The following FMN2 variants were observed in gnomAD, a reference collection of about 807,000 sequenced individuals.
FMN2 encodes the protein formin-2.
Under a neutral mutation model 142.3 loss-of-function variants are expected in FMN2, and 51 were observed. The observed-to-expected ratio is 0.36, with a 90% CI of 0.29 to 0.45. The LOEUF (loss-of-function observed/expected upper bound fraction) is 0.45, where lower values mean the gene tolerates loss of function less well. FMN2 is among the 20% of genes least tolerant of loss of function. The pLI is 1.00. For missense variants in FMN2, 1,936 were observed against 2,122.8 expected (o/e 0.91, Z 1.73); for synonymous variants, 882 against 869.8 (o/e 1.01, Z -0.25).
Position 240,207,422 on chromosome 1 carries a change from G to T in FMN2, c.2610G>T (p.Met870Ile). ...PLPCTESSSS[M>I]PGLGMVPPPP... ...CTTGCACAGAGTCCTCCAGCTCCAT[G>T]CCTGGCCTGGGCATGGTGCCTCCCC... The change falls in exon 5 of 18, where the codon ATG (methionine) becomes ATT (isoleucine). Residue 870 changes from methionine to isoleucine, a missense_variant. Transcript: ENST00000319653. 2.5e-6 allele frequency: 4 copies of T among 1,613,636 alleles called. No homozygotes were observed.
At chr1:240,235,829 C>T (rs1216195534) in intron 6 of FMN2, 1 of 152,184 alleles carries the variant, frequency 6.6e-6, no homozygotes, top group African/African-American at 2.4e-5. Context: ...GGAGCCATCT[C>T]CCCTCTTCTT....
At chr1:240,180,269 C>A in intron 3 of FMN2, 2 of 822,446 alleles carry the variant, frequency 2.4e-6, no homozygotes, top group Non-Finnish European at 1.7e-6. Flanking sequence ...TCAGAGTGAT[C>A]TAATGGGTCT....
chr1:240,092,853 C>T lies in FMN2; in HGVS notation c.744C>T (p.Gly248=). Residue 248 remains glycine, a synonymous_variant, in exon 1 of 18, where the codon GGC becomes GGT. Coordinates refer to ENST00000319653, the MANE Select transcript of FMN2 (RefSeq NM_020066.5). ...AVSPQPGAFL[G]LDRFLLGPSG... is the part of the protein sequence containing the mutation. Reference sequence around the variant, plus strand: ...CCCCTCAGCCCGGGGCCTTCCTGGGCCTGGACCGGTTCCTGCTGGGGCCGA... The same window carrying T: ...CCCCTCAGCCCGGGGCCTTCCTGGGTCTGGACCGGTTCCTGCTGGGGCCGA... The T allele has an allele frequency of 6.5e-7, 1 of 1,548,450 alleles. No homozygotes were observed. Among genetic ancestry groups the T allele is most frequent in the Non-Finnish European group, 8.7e-7 (1 of 1,149,754 alleles).
At position 240,147,966 on chromosome 1, in the gene FMN2, T is replaced by A. The variant is rs182298471; in HGVS notation, c.1782+24621T>A. ...GAAAGTGTGTTCTGTGAATATTAGT[T>A]GCTACTTCGCCATGGAAGCTGCTCT... On this transcript the variant is annotated intron_variant, in intron 2 of 17. Coordinates refer to ENST00000319653, the MANE Select transcript of FMN2 (RefSeq NM_020066.5). 1.2e-3 allele frequency among the ~76,000 whole-genome samples: 178 copies of A among 152,350 alleles called. 4 individuals are homozygous for A. In the South Asian group the frequency reaches 0.028, roughly 24 times the overall value.
chr1:240,223,542 C>A (rs1352791022), intron 6 of FMN2, among the ~76,000 whole-genome samples: 2 of 152,090 alleles, frequency 1.3e-5, no homozygotes, highest in Admixed American at 1.3e-4. Flanking sequence ...CTGTTTGGAA[C>A]CGTTTCGGAA....
chr1:240,252,044 G>T (rs1668294292), intron 6 of FMN2, among the ~76,000 whole-genome samples: 1 of 152,136 alleles, frequency 6.6e-6, no homozygotes. Flanking sequence ...AAGTAGCTGG[G>T]ATTACAGACG....
intron 16 of FMN2, among the ~76,000 whole-genome samples, chr1:240,466,386 T>G (rs893383118): frequency 6.6e-6 from 1 of 152,220 alleles, no homozygotes; most frequent in African/African-American, 2.4e-5. Flanking sequence ...TTAGCTTCTC[T>G]TTAAGTTACA....
intron 2 of FMN2, among the ~76,000 whole-genome samples, chr1:240,159,994 C>CACACACAT (rs1292942854): frequency 6.8e-6 from 1 of 146,404 alleles, no homozygotes; most frequent in African/African-American, 2.5e-5. Context: ...CACACACACA[C>CACACACAT]ACACATACAC....
At chr1:240,119,781 G>A (rs12145060) in intron 1 of FMN2, among the ~76,000 whole-genome samples, 42,116 of 152,058 alleles carry the variant, frequency 0.28, 6,267 homozygotes, top group Non-Finnish European at 0.34. Context: ...TTGGCTGGAT[G>A]TGCACGTACA....
At chr1:240,242,847 C>A (rs964736983) in intron 6 of FMN2, among the ~76,000 whole-genome samples, 1 of 152,292 alleles carries the variant, frequency 6.6e-6, no homozygotes, top group Admixed American at 6.5e-5. Context: ...TGAGAGGTGT[C>A]AAATGTCACC....
chr1:240,462,362 T>C, intron 16 of FMN2, among the ~76,000 whole-genome samples: 1 of 152,312 alleles, frequency 6.6e-6, no homozygotes, highest in South Asian at 2.1e-4. Context: ...TTTATAACTT[T>C]AAATTTTATG....
intron 1 of FMN2, among the ~76,000 whole-genome samples, chr1:240,121,933 G>T (rs1201000812): frequency 6.6e-6 from 1 of 151,438 alleles, no homozygotes; most frequent in African/African-American, 2.4e-5. Flanking sequence ...CTCTGTCCCC[G>T]CCATGATGGA....
intron 15 of FMN2, among the ~76,000 whole-genome samples, chr1:240,398,647 C>CG (rs1558471311): frequency 6.6e-6 from 1 of 152,034 alleles, no homozygotes; most frequent in African/African-American, 2.4e-5. Flanking sequence ...CCTATGTAAC[C>CG]GGGGCAACAA....
intron 16 of FMN2, among the ~76,000 whole-genome samples, chr1:240,463,522 G>C (rs1676515684): frequency 6.6e-6 from 1 of 152,158 alleles, no homozygotes; most frequent in Non-Finnish European, 1.5e-5. Context: ...GTGGTAGTTA[G>C]AATTACAAAG....
At chr1:240,337,640 CAT>C (rs1242072187) in intron 13 of FMN2, among the ~76,000 whole-genome samples, 1 of 152,126 alleles carries the variant, frequency 6.6e-6, no homozygotes, top group Non-Finnish European at 1.5e-5. Context: ...ATAAGGTAAA[CAT>C]AGAATAAGCA....
chr1:240,343,239 T>C (rs1671800824), intron 13 of FMN2, among the ~76,000 whole-genome samples: 1 of 152,260 alleles, frequency 6.6e-6, no homozygotes, highest in South Asian at 2.1e-4. Flanking sequence ...TAGCTTGCTA[T>C]GACTACTCTG....
At chr1:240,469,981 T>C (rs1219751776) in intron 16 of FMN2, among the ~76,000 whole-genome samples, 2 of 152,174 alleles carry the variant, frequency 1.3e-5, no homozygotes, top group East Asian at 3.9e-4. Flanking sequence ...CCATAAGGAA[T>C]GACTGGATGT....
chr1:240,193,743 G>A (rs1665805110), intron 4 of FMN2, among the ~76,000 whole-genome samples: 1 of 152,210 alleles, frequency 6.6e-6, no homozygotes, highest in Admixed American at 6.5e-5. Flanking sequence ...GTCTTATCTG[G>A]ATTACTGCAG....
chr1:240,158,012 G>C (rs1664102194), intron 2 of FMN2, among the ~76,000 whole-genome samples: 1 of 150,446 alleles, frequency 6.6e-6, no homozygotes, highest in Non-Finnish European at 1.5e-5. Flanking sequence ...AGGCACAGTG[G>C]TACACACCTA....
Sources: gnomAD v4.1 joint callset for allele counts (sites outside exome capture counted in the v4.1 genomes callset) on GRCh38, gnomAD v4.1.1 for gene constraint, MANE v1.5 for transcripts, NCBI Gene and HGNC (gene_info 2026-07-23, HGNC 2026-07-21) for gene names.